MYT1L: variants seen among roughly 807,000 people sequenced by gnomAD.
MYT1L encodes myelin transcription factor 1-like protein.
In MYT1L, 12 loss-of-function variants were observed where a neutral mutation model predicts 126.7. That is an observed-to-expected ratio of 0.09 (90% CI 0.06 to 0.15). The LOEUF (loss-of-function observed/expected upper bound fraction) is 0.15, where lower values mean the gene tolerates loss of function less well. Among genes scored for constraint, MYT1L ranks in the 10% least tolerant of loss-of-function variants. The pLI is 1.00. For synonymous variants in MYT1L, 541 were observed against 604.2 expected, an observed-to-expected ratio of 0.90 and a Z score of 1.53; for missense variants, 979 against 1,585.2, an observed-to-expected ratio of 0.62 and a Z score of 6.49.
chr2:2,270,535 C>T (rs1278014598), intron 2 of MYT1L, among the ~76,000 whole-genome samples: 1 of 151,880 alleles, frequency 6.6e-6, no homozygotes, highest in Non-Finnish European at 1.5e-5. Flanking sequence ...TTGAGATTTG[C>T]CCCCAAAAAT....
In MYT1L at chr2:1,979,919, A is replaced by AG. The variant is rs1244191265; in HGVS notation, c.1-143dup. The AG allele has an allele frequency of 6.5e-6, 5 of 773,332 alleles. No individual in the cohort carries two copies. The highest frequency in any genetic ancestry group is 8.7e-6 in the Non-Finnish European group (4 of 458,846). 47.9% of individuals were successfully genotyped at this position (773,332 alleles called of 1,614,324 possible). A position where few individuals can be genotyped will look rare whatever the true frequency, so the allele number is the denominator to read the frequency against. On this transcript the variant is annotated intron_variant, in intron 5 of 24. Coordinates refer to ENST00000647738, the MANE Select transcript of MYT1L (RefSeq NM_001303052.2). This position sits in a 1 kb window ranked among gnomAD's most constrained non-coding sequence, Gnocchi z 4.0. ...ATGAAGGGAAGCCCTCTACAAGGGCAGGGGGTAAGACCAGGCAATCTAAAT... is the reference window on the plus strand; with the variant it reads ...ATGAAGGGAAGCCCTCTACAAGGGCAGGGGGGTAAGACCAGGCAATCTAAAT...
chr2:2,225,184 G>A (rs2093976826), intron 2 of MYT1L, among the ~76,000 whole-genome samples: 1 of 151,660 alleles, frequency 6.6e-6, no homozygotes, highest in Admixed American at 6.6e-5. Context: ...CCAACACACA[G>A]CACTCTGTTC....
chr2:2,330,623 G>A (rs1157696984), intron 1 of MYT1L, among the ~76,000 whole-genome samples: 2 of 152,128 alleles, frequency 1.3e-5, no homozygotes, highest in African/African-American at 4.8e-5. Context: ...TGCTTCATTT[G>A]TAATGTAAAG....
chr2:2,055,132 T>G (rs573458576), intron 3 of MYT1L, among the ~76,000 whole-genome samples: 1 of 152,348 alleles, frequency 6.6e-6, no homozygotes, highest in South Asian at 2.1e-4. Flanking sequence ...AACTATATTC[T>G]TATAAAACTA....
chr2:2,281,014 C>G (rs1416517888), intron 2 of MYT1L, among the ~76,000 whole-genome samples: 2 of 152,162 alleles, frequency 1.3e-5, no homozygotes, highest in Non-Finnish European at 2.9e-5. Flanking sequence ...TATGGTTTGG[C>G]TGTGTCCCCA....
intron 3 of MYT1L, among the ~76,000 whole-genome samples, chr2:2,130,805 C>T (rs1045551898): frequency 3.9e-5 from 6 of 152,072 alleles, no homozygotes; most frequent in Non-Finnish European, 5.9e-5. Context: ...ATAATATTAG[C>T]TTTTTTCTTT....
intron 21 of MYT1L, among the ~76,000 whole-genome samples, chr2:1,831,397 C>T (rs1287144541): frequency 1.3e-5 from 2 of 152,156 alleles, no homozygotes; most frequent in Non-Finnish European, 2.9e-5. Flanking sequence ...AGATAAATTC[C>T]AGACCCACAT....
chr2:1,863,950 G>A (rs1372638286), intron 18 of MYT1L, among the ~76,000 whole-genome samples: 1 of 152,212 alleles, frequency 6.6e-6, no homozygotes, highest in East Asian at 1.9e-4. Flanking sequence ...GGGTGGTGGA[G>A]CTCACCCTCA....
intron 18 of MYT1L, among the ~76,000 whole-genome samples, chr2:1,865,316 C>CGGCCGTGCGGGGTTCCTGT (rs1433252869): frequency 1.3e-5 from 2 of 152,154 alleles, no homozygotes; most frequent in Non-Finnish European, 2.9e-5. Context: ...CCTGCTCCTG[C>CGGCCGTGCGGGGTTCCTGT]GGCCGTGCGG....
chr2:2,041,273 A>C (rs1053149635), intron 4 of MYT1L, among the ~76,000 whole-genome samples: 3 of 152,192 alleles, frequency 2.0e-5, no homozygotes, highest in Non-Finnish European at 2.9e-5. Flanking sequence ...GCCACATTTG[A>C]GTCTTGTCAA....
At position 1,956,400 on chromosome 2, in the gene MYT1L, G is replaced by GTCTATCTATCTA. The variant is rs1268235335; in HGVS notation, c.153-13067_153-13066insTAGATAGATAGA. 8.4e-4 allele frequency among the ~76,000 whole-genome samples: 49 copies of GTCTATCTATCTA among 58,074 alleles called. 4 individuals are homozygous for GTCTATCTATCTA. The highest frequency in any genetic ancestry group is 9.7e-4 in the Non-Finnish European group (32 of 33,090). The allele number at this position is 58,074 out of a possible 152,430, so 38.1% of individuals were successfully genotyped here. Reference sequence around the variant, plus strand: ...TCTATATTTCCTATTCTTTCTATCTGTCTGTCTATCTATCTATCTATCTAT... The same window carrying GTCTATCTATCTA: ...TCTATATTTCCTATTCTTTCTATCTGTCTATCTATCTATCTGTCTATCTATCTATCTATCTAT... On this transcript the variant is annotated intron_variant, in intron 8 of 24. Coordinates refer to ENST00000647738, the MANE Select transcript of MYT1L (RefSeq NM_001303052.2).
intron 8 of MYT1L, among the ~76,000 whole-genome samples, chr2:1,947,894 C>T (rs1263344449): frequency 2.0e-5 from 3 of 152,198 alleles, no homozygotes; most frequent in Admixed American, 6.5e-5. Flanking sequence ...ATTTCACAAA[C>T]AGCCTGAGCG....
At chr2:1,867,889 C>T (rs2045798688) in intron 18 of MYT1L, among the ~76,000 whole-genome samples, 1 of 152,156 alleles carries the variant, frequency 6.6e-6, no homozygotes, top group South Asian at 2.1e-4. Flanking sequence ...GGTGGGGCTG[C>T]TGACTGTGGC....
Position 1,793,541 on chromosome 2 carries a change from T to C in MYT1L, c.3277-1077A>G, listed in dbSNP as rs2032704163. On this transcript the variant is annotated intron_variant, in intron 23 of 24. Coordinates refer to ENST00000647738, the MANE Select transcript of MYT1L (RefSeq NM_001303052.2). This position sits in a 1 kb window ranked among gnomAD's most constrained non-coding sequence, Gnocchi z 4.6. ...TCCCTGTCGGCCCTGCCTTCTCCTA[T>C]GTTCTGGCCCTCCCTTGGCTGTACT... is the stretch of plus-strand genomic sequence containing the variant. 6.6e-6 allele frequency among the ~76,000 whole-genome samples: 1 copy of C among 152,202 alleles called. No individual in the cohort carries two copies. The highest frequency in any genetic ancestry group is 2.4e-5 in the African/African-American group (1 of 41,440).
chr2:2,241,107 G>T lies in MYT1L; in HGVS notation c.-421+43297C>A, dbSNP rs369767579. 5.9e-5 allele frequency among the ~76,000 whole-genome samples: 9 copies of T among 152,220 alleles called. No individual in the cohort carries two copies. In the South Asian group the frequency reaches 1.7e-3, roughly 28 times the overall value. ...ATATTGGATGCTGTAATGGTACCAA[G>T]AATTTTTTTTTGAATTTCTGAATTT... On this transcript the variant is annotated intron_variant, in intron 2 of 24. Coordinates refer to ENST00000647738, the MANE Select transcript of MYT1L (RefSeq NM_001303052.2).
intron 18 of MYT1L, 144 bp from the exon 19 acceptor site, chr2:1,851,847 C>T (rs1572872598): frequency 3.9e-6 from 3 of 765,310 alleles, no homozygotes; most frequent in Admixed American, 4.5e-5. Context: ...GAAGCTCCCT[C>T]ATGGAGCTGG....
chr2:2,044,797 A>T lies in MYT1L; in HGVS notation c.-158+9181T>A, dbSNP rs539035055. On this transcript the variant is annotated intron_variant, in intron 4 of 24. Coordinates refer to ENST00000647738, the MANE Select transcript of MYT1L (RefSeq NM_001303052.2). ...GGTGTCTGTAGTCACTTTAAAAATA[A>T]TTCAGCTCACAACAAGGACTCCGTG... 5.8e-4 allele frequency among the ~76,000 whole-genome samples: 89 copies of T among 152,308 alleles called. 1 individual carries two copies. Among genetic ancestry groups the T allele is most frequent in the South Asian group, 2.3e-3 (11 of 4,828 alleles).
intron 1 of MYT1L, among the ~76,000 whole-genome samples, chr2:2,321,263 G>C (rs566328538): frequency 7.2e-5 from 11 of 152,244 alleles, no homozygotes; most frequent in African/African-American, 1.7e-4. Flanking sequence ...AGAAGCACAG[G>C]GTCCACCGGC....
intron 1 of MYT1L, chr2:2,324,954 A>G (rs1274156049): frequency 6.6e-6 from 1 of 152,338 alleles, no homozygotes; most frequent in African/African-American, 2.4e-5. Flanking sequence ...AGATGTGTGC[A>G]GTATGCTGCT....
Sources: allele counts gnomAD v4.1 joint callset (sites outside exome capture counted in the v4.1 genomes callset), GRCh38; gene constraint gnomAD v4.1.1; non-coding constraint Gnocchi (gnomAD v3.1); transcripts MANE v1.5; gene names NCBI Gene and HGNC (gene_info 2026-07-23, HGNC 2026-07-21).